ST18: variants seen among roughly 807,000 people sequenced by gnomAD.
The protein encoded by ST18 is suppression of tumorigenicity 18 protein.
ST18 carries 50 observed loss-of-function variants against 110.0 expected under a neutral mutation model. That is an observed-to-expected ratio of 0.45 (90% CI 0.36 to 0.58). ST18 has a LOEUF of 0.58. ST18 is among the 20% of genes least tolerant of loss of function. The pLI is 0.00. For synonymous variants in ST18, 461 were observed against 452.4 expected, an observed-to-expected ratio of 1.02 and a Z score of -0.24; for missense variants, 1,306 against 1,280.1, an observed-to-expected ratio of 1.02 and a Z score of -0.31.
At chr8:52,139,481 G>A (rs1323445704) in intron 17 of ST18, among the ~76,000 whole-genome samples, 14 of 151,860 alleles carry the variant, frequency 9.2e-5, no homozygotes, top group African/African-American at 2.2e-4. Context: ...TCAGCCTCCC[G>A]AATAGCTTGG....
At chr8:52,167,527 A>G (rs746969920) in intron 10 of ST18, among the ~76,000 whole-genome samples, 8 of 152,206 alleles carry the variant, frequency 5.3e-5, no homozygotes, top group Non-Finnish European at 8.8e-5. Flanking sequence ...GGGCAAGGAC[A>G]CTGGCTTGTG....
At chr8:52,161,044 A>G (rs2061332845) in intron 14 of ST18, among the ~76,000 whole-genome samples, 1 of 152,162 alleles carries the variant, frequency 6.6e-6, no homozygotes, top group African/African-American at 2.4e-5. Flanking sequence ...CAGTCATCAC[A>G]TTTTTCAATA....
At chr8:52,314,370 G>T (rs986731758) in intron 2 of ST18, among the ~76,000 whole-genome samples, 1 of 152,134 alleles carries the variant, frequency 6.6e-6, no homozygotes, top group East Asian at 1.9e-4. Context: ...TGGACTCTTT[G>T]AATCTGCTAG....
At chr8:52,150,341 CT>C (rs1472940863) in intron 15 of ST18, among the ~76,000 whole-genome samples, 1 of 151,912 alleles carries the variant, frequency 6.6e-6, no homozygotes, top group Non-Finnish European at 1.5e-5. Context: ...TTTAAATCTT[CT>C]TTTCTAGTTT....
chr8:52,170,736 G>T (rs1324563951), intron 10 of ST18, among the ~76,000 whole-genome samples: 2 of 152,078 alleles, frequency 1.3e-5, no homozygotes, highest in Non-Finnish European at 1.5e-5. Flanking sequence ...ATGTTTGCAT[G>T]GCATTATCTT....
intron 7 of ST18, 126 bp downstream of exon 7, chr8:52,214,077 G>A: frequency 9.7e-7 from 1 of 1,026,218 alleles, no homozygotes; most frequent in Non-Finnish European, 1.5e-6. Flanking sequence ...GTCCTGGCTT[G>A]ATTTGAAAAA....
chr8:52,363,873 T>C (rs1040432447), intron 2 of ST18, among the ~76,000 whole-genome samples: 5 of 152,176 alleles, frequency 3.3e-5, no homozygotes, highest in African/African-American at 7.2e-5. Flanking sequence ...GTAAGTCCAG[T>C]CCTAATTCTA....
chr8:52,191,096 G>T (rs2074315252), intron 8 of ST18, among the ~76,000 whole-genome samples: 1 of 152,196 alleles, frequency 6.6e-6, no homozygotes, highest in Non-Finnish European at 1.5e-5. Context: ...GGCCAGTTTT[G>T]GCTGCATAGC....
At chr8:52,311,485 C>G (rs975963096) in intron 2 of ST18, among the ~76,000 whole-genome samples, 3 of 152,182 alleles carry the variant, frequency 2.0e-5, no homozygotes, top group Non-Finnish European at 4.4e-5. Context: ...GATCCCATTT[C>G]TAAGGCTTCA....
chr8:52,257,099 C>G (rs965794121), intron 2 of ST18, among the ~76,000 whole-genome samples: 3 of 152,156 alleles, frequency 2.0e-5, no homozygotes, highest in African/African-American at 7.2e-5. Context: ...TACCACAATA[C>G]TTTCAAGGTT....
chr8:52,197,528 A>G (rs1288374768), intron 8 of ST18, among the ~76,000 whole-genome samples: 1 of 152,202 alleles, frequency 6.6e-6, no homozygotes, highest in African/African-American at 2.4e-5. Flanking sequence ...AATTGAGTTA[A>G]TTTAGGAGGG....
intron 2 of ST18, among the ~76,000 whole-genome samples, chr8:52,334,262 C>T (rs937930679): frequency 2.6e-5 from 4 of 152,174 alleles, no homozygotes; most frequent in African/African-American, 9.7e-5. Context: ...AACAAATTTT[C>T]ACTAAAAAAT....
At chr8:52,278,012 T>TAA (rs965434751) in intron 2 of ST18, among the ~76,000 whole-genome samples, 1 of 152,176 alleles carries the variant, frequency 6.6e-6, no homozygotes, top group African/African-American at 2.4e-5. Flanking sequence ...CAAAATATTA[T>TAA]AAAATTAATT....
At chr8:52,402,696 G>C (rs562573846) in intron 2 of ST18, among the ~76,000 whole-genome samples, 51 of 152,292 alleles carry the variant, frequency 3.3e-4, no homozygotes, top group African/African-American at 1.1e-3. Flanking sequence ...GCCAGGTGCA[G>C]TGGCAGCAAG....
chr8:52,250,200 G>T (rs920252490), intron 2 of ST18, among the ~76,000 whole-genome samples: 1 of 152,034 alleles, frequency 6.6e-6, no homozygotes. Context: ...GCTAAAGAGT[G>T]TGGGGAGAAG....
rs771306930 is a variant in ST18 at position 52,161,504 on chromosome 8, T to C, written c.1465A>G (p.Thr489Ala). The change falls in exon 14 of 26, where the codon ACA becomes GCA. Residue 489 changes from threonine (T) to alanine (A), a missense_variant. Thr to Ala is a moderately conservative substitution (Grantham distance 58, BLOSUM62 0). Transcript: ENST00000689386. The stretch of plus-strand genomic sequence containing the variant: ...AACTTCTCTTGTTCTTTTGACACTG[T>C]GGCTCTGGGAGAGGTGATGGCTTGT... ...PSQAITSPRA[T>A]VSKEQEKFGK... is the part of the protein sequence containing the mutation. 29 of 1,614,124 alleles carry C rather than the reference T, an allele frequency of 1.8e-5. No individual in the cohort carries two copies. The Admixed American group carries it at 2.3e-4, about 13-fold the overall frequency.
intron 2 of ST18, among the ~76,000 whole-genome samples, chr8:52,373,497 T>C (rs1169834949): frequency 1.3e-5 from 2 of 152,030 alleles, no homozygotes; most frequent in Non-Finnish European, 2.9e-5. Flanking sequence ...TCCAGTGATC[T>C]TGTTATTCGC....
In ST18 at chr8:52,113,157, A is replaced by C; in HGVS notation, c.*41T>G. The C allele has an allele frequency of 6.2e-7, 1 of 1,610,102 alleles. No homozygotes were observed. Among genetic ancestry groups the C allele is most frequent in the Non-Finnish European group, 8.5e-7 (1 of 1,178,372 alleles). ...CCTCTAACAGATCCATCTGGAGTTT[A>C]CTGCTGTTGGTAACTTCTGTTGCCC... On this transcript the variant is annotated 3_prime_UTR_variant, in exon 26 of 26. Coordinates refer to ENST00000689386, the MANE Select transcript of ST18 (RefSeq NM_001352837.2).
chr8:52,153,916 A>G (rs1395998470), intron 15 of ST18, among the ~76,000 whole-genome samples: 1 of 152,260 alleles, frequency 6.6e-6, no homozygotes, highest in African/African-American at 2.4e-5. Flanking sequence ...ATGCTTGCTT[A>G]TAGTACCTGG....
Sources: gnomAD v4.1 joint callset for allele counts (sites outside exome capture counted in the v4.1 genomes callset) on GRCh38, gnomAD v4.1.1 for gene constraint, MANE v1.5 for transcripts, NCBI Gene and HGNC (gene_info 2026-07-23, HGNC 2026-07-21) for gene names.